The following TTC29 variants were observed in gnomAD, a reference collection of about 807,000 sequenced individuals.
TTC29 encodes the protein tetratricopeptide repeat protein 29.
TTC29 carries 49 observed loss-of-function variants against 58.1 expected under a neutral mutation model. The observed-to-expected ratio is 0.84, with a 90% CI of 0.67 to 1.07. The LOEUF (loss-of-function observed/expected upper bound fraction) is 1.07. TTC29 is among the 50% of genes least tolerant of loss of function. The probability of loss-of-function intolerance (pLI) is 0.00; values close to 1 mark genes in which losing one functional copy is unlikely to be tolerated. For missense variants in TTC29, 582 were observed against 555.6 expected (o/e 1.05, Z -0.48); for synonymous variants, 209 against 196.8 (o/e 1.06, Z -0.52).
intron 11 of TTC29, among the ~76,000 whole-genome samples, chr4:146,736,382 T>C (rs1417444271): frequency 1.3e-5 from 2 of 152,278 alleles, no homozygotes; most frequent in African/African-American, 2.4e-5. Context: ...GCCTGTCCTT[T>C]ACCTGACTGT....
intron 8 of TTC29, among the ~76,000 whole-genome samples, chr4:146,849,727 C>T (rs1412799972): frequency 2.0e-5 from 3 of 152,236 alleles, no homozygotes; most frequent in Middle Eastern, 6.8e-3. Context: ...TGATCCTACT[C>T]CTTATCTCCA....
intron 7 of TTC29, among the ~76,000 whole-genome samples, chr4:146,871,357 CA>C (rs1005134964): frequency 6.6e-6 from 1 of 151,660 alleles, no homozygotes; most frequent in Non-Finnish European, 1.5e-5. Flanking sequence ...AGGGCATCTA[CA>C]AAAAAACCCT....
intron 2 of TTC29, among the ~76,000 whole-genome samples, chr4:146,941,327 G>A (rs963896369): frequency 6.6e-6 from 1 of 152,082 alleles, no homozygotes; most frequent in African/African-American, 2.4e-5. Context: ...GTGACCCAGG[G>A]AAAATCACAA....
At chr4:146,800,250 GTTC>G (rs1372313304) in intron 11 of TTC29, among the ~76,000 whole-genome samples, 1 of 152,120 alleles carries the variant, frequency 6.6e-6, no homozygotes, top group Non-Finnish European at 1.5e-5. Flanking sequence ...GTGAGTCACT[GTTC>G]TATTTCATCT....
At chr4:146,914,822 G>T (rs1414392597) in intron 4 of TTC29, among the ~76,000 whole-genome samples, 1 of 152,090 alleles carries the variant, frequency 6.6e-6, no homozygotes, top group Non-Finnish European at 1.5e-5. Context: ...CTAAAAAAAT[G>T]CAGAGATTTA....
At chr4:146,752,988 T>C (rs1275042499) in intron 11 of TTC29, among the ~76,000 whole-genome samples, 4 of 152,130 alleles carry the variant, frequency 2.6e-5, no homozygotes, top group African/African-American at 9.7e-5. Flanking sequence ...GACATAGGCA[T>C]GGGCAAGGAC....
chr4:146,780,190 A>G (rs1203433452), intron 11 of TTC29, among the ~76,000 whole-genome samples: 3 of 152,074 alleles, frequency 2.0e-5, no homozygotes. Context: ...GGTAACATGT[A>G]TGGGTAGAGA....
At chr4:146,832,641 T>TG (rs1728241810) in intron 9 of TTC29, among the ~76,000 whole-genome samples, 1 of 149,188 alleles carries the variant, frequency 6.7e-6, no homozygotes, top group South Asian at 2.1e-4. Flanking sequence ...CCAACTAATT[T>TG]TGTGTGTGTG....
chr4:146,944,937 A>G (rs1465959774), intron 2 of TTC29, 94 bp downstream of exon 2: 1 of 152,190 alleles, frequency 6.6e-6, no homozygotes, highest in Non-Finnish European at 1.5e-5. Context: ...AATAAATAGA[A>G]AACACACATT....
At chr4:146,904,134 T>C (rs922672531) in intron 5 of TTC29, among the ~76,000 whole-genome samples, 1 of 152,180 alleles carries the variant, frequency 6.6e-6, no homozygotes, top group Non-Finnish European at 1.5e-5. Context: ...GATGGCAATG[T>C]TTCTCAGCCA....
chr4:146,924,207 G>A (rs1734779503), intron 4 of TTC29, among the ~76,000 whole-genome samples: 1 of 151,746 alleles, frequency 6.6e-6, no homozygotes, highest in South Asian at 2.1e-4. Flanking sequence ...TAATACATGT[G>A]ATAGGTTTAT....
At position 146,815,141 on chromosome 4, in the gene TTC29, CT is replaced by C. The variant is rs150519746; in HGVS notation, c.1101+4983del. 4.6e-5 allele frequency among the ~76,000 whole-genome samples: 7 copies of C among 152,100 alleles called. No homozygotes were observed. In the East Asian group the frequency reaches 1.3e-3, roughly 29 times the overall value. ...AAATAATTACTTTGGCCTCTTTCTGCTTATGCGGGGGTGGGAGGGAAGAGAG... is the reference window on the plus strand; with the variant it reads ...AAATAATTACTTTGGCCTCTTTCTGCTATGCGGGGGTGGGAGGGAAGAGAG... On this transcript the variant is annotated intron_variant, in intron 10 of 12. Transcript: ENST00000325106.
At chr4:146,770,041 G>A (rs1404193737) in intron 11 of TTC29, among the ~76,000 whole-genome samples, 2 of 151,904 alleles carry the variant, frequency 1.3e-5, no homozygotes, top group Non-Finnish European at 2.9e-5. Flanking sequence ...AAAAGAATCT[G>A]GACTTCATGG....
At chr4:146,882,296 AG>A (rs1378363096) in intron 6 of TTC29, among the ~76,000 whole-genome samples, 4 of 152,166 alleles carry the variant, frequency 2.6e-5, no homozygotes, top group African/African-American at 9.6e-5. Context: ...TAATTTCTAA[AG>A]ATAAGCATTA....
rs1743388008 is a variant in TTC29, at chr4:146,721,930, G to T, written c.1331-14379C>A. On this transcript the variant is annotated intron_variant, in intron 11 of 12. Transcript: ENST00000325106. ...GAAAACCCTAAAGACTCTGCCAAAA[G>T]GCTCCTGGAACTGATAAACAACTTC... Among the ~76,000 whole-genome samples, 2 of 152,092 alleles carry T rather than the reference G, an allele frequency of 1.3e-5. 1 individual carries two copies. The highest frequency in any genetic ancestry group is 1.3e-4 in the Admixed American group (2 of 15,258).
chr4:146,720,708 A>G (rs1743292354), intron 11 of TTC29, among the ~76,000 whole-genome samples: 1 of 152,138 alleles, frequency 6.6e-6, no homozygotes, highest in Non-Finnish European at 1.5e-5. Context: ...TAGCAAACCA[A>G]GTAGACACTC....
chr4:146,739,046 T>A (rs1744928182), intron 11 of TTC29, among the ~76,000 whole-genome samples: 1 of 152,244 alleles, frequency 6.6e-6, no homozygotes, highest in Non-Finnish European at 1.5e-5. Flanking sequence ...TATTTTTGTT[T>A]TAAAATTTGT....
chr4:146,811,551 C>T (rs1751025362), intron 10 of TTC29, among the ~76,000 whole-genome samples: 1 of 152,192 alleles, frequency 6.6e-6, no homozygotes, highest in Non-Finnish European at 1.5e-5. Context: ...AAACCAAAAA[C>T]ATGCATGTGC....
intron 6 of TTC29, among the ~76,000 whole-genome samples, chr4:146,885,898 T>C (rs1731951408): frequency 6.6e-6 from 1 of 152,146 alleles, no homozygotes; most frequent in African/African-American, 2.4e-5. Context: ...TGGTTCTTTA[T>C]AATCATTCAA....
Sources: allele counts gnomAD v4.1 joint callset (sites outside exome capture counted in the v4.1 genomes callset), GRCh38; gene constraint gnomAD v4.1.1; transcripts MANE v1.5; gene names NCBI Gene and HGNC (gene_info 2026-07-23, HGNC 2026-07-21).